The following TSPAN13 variants were observed in gnomAD, a reference collection of about 807,000 sequenced individuals.
TSPAN13 encodes tetraspanin 13.
A neutral mutation model predicts 26.9 loss-of-function variants in TSPAN13; 18 were observed. That is an observed-to-expected ratio of 0.67 (90% CI 0.46 to 0.99). TSPAN13 has a LOEUF of 0.99. TSPAN13 is among the 50% of genes least tolerant of loss of function. TSPAN13 has a pLI of 0.00. For synonymous variants in TSPAN13, 116 were observed against 98.4 expected, an observed-to-expected ratio of 1.18 and a Z score of -1.06; for missense variants, 201 against 249.6, an observed-to-expected ratio of 0.81 and a Z score of 1.31.
At chr7:16,769,550 C>T (rs1040748542) in intron 1 of TSPAN13, among the ~76,000 whole-genome samples, 1 of 151,980 alleles carries the variant, frequency 6.6e-6, no homozygotes, top group Non-Finnish European at 1.5e-5. Flanking sequence ...GGGTATATTA[C>T]AAATTATATC....
intron 1 of TSPAN13, among the ~76,000 whole-genome samples, 163 bp from the exon 2 acceptor site, chr7:16,776,048 C>G (rs1784739241): frequency 6.6e-6 from 1 of 152,042 alleles, no homozygotes; most frequent in South Asian, 2.1e-4. Flanking sequence ...ACAATACTGC[C>G]TATTGAGATC....
intron 1 of TSPAN13, among the ~76,000 whole-genome samples, chr7:16,767,237 G>T (rs943264154): frequency 6.6e-6 from 1 of 152,116 alleles, no homozygotes; most frequent in African/African-American, 2.4e-5. Flanking sequence ...CCATGAATGT[G>T]TATGACAATG....
intron 3 of TSPAN13, among the ~76,000 whole-genome samples, chr7:16,777,324 C>CT (rs148602408): frequency 0.012 from 1,839 of 152,280 alleles, 44 homozygotes; most frequent in East Asian, 0.042. Flanking sequence ...TTTTCGGTAT[C>CT]TTTTAAATCG....
At chr7:16,766,330 T>C (rs1457541853) in intron 1 of TSPAN13, among the ~76,000 whole-genome samples, 1 of 152,250 alleles carries the variant, frequency 6.6e-6, no homozygotes, top group African/African-American at 2.4e-5. Context: ...AAATTTGTTT[T>C]GGATTGGACA....
At chr7:16,778,371 A>G (rs1784777088) in intron 4 of TSPAN13, among the ~76,000 whole-genome samples, 1 of 152,188 alleles carries the variant, frequency 6.6e-6, no homozygotes, top group Non-Finnish European at 1.5e-5. Context: ...ATAGAAACAC[A>G]CTGGCTTTAA....
At chr7:16,781,192 T>G (rs1215693489) in intron 5 of TSPAN13, among the ~76,000 whole-genome samples, 1 of 152,220 alleles carries the variant, frequency 6.6e-6, no homozygotes, top group Non-Finnish European at 1.5e-5. Context: ...CAAAAAATTA[T>G]GAAGATGAAA....
intron 1 of TSPAN13, among the ~76,000 whole-genome samples, chr7:16,766,941 C>T (rs749917935): frequency 3.9e-5 from 6 of 152,058 alleles, no homozygotes; most frequent in Admixed American, 2.0e-4. Context: ...TTTTTTCTCT[C>T]TCTCTTTCGA....
At position 16,783,544 on chromosome 7, in the gene TSPAN13, A is replaced by T. The variant is rs3807498; in HGVS notation, c.*53A>T. 1.1e-5 allele frequency: 17 copies of T among 1,559,418 alleles called. No homozygotes were observed. In the South Asian group the frequency reaches 1.8e-4, roughly 16 times the overall value. On this transcript the variant is annotated 3_prime_UTR_variant, in exon 6 of 6. Coordinates refer to ENST00000262067, the MANE Select transcript of TSPAN13 (RefSeq NM_014399.4). ...TATTATGATCTTGTTCACTTTCTGTAATTTTCTGTTAAGCTCCATTTGCCA... is the reference window on the plus strand; with the variant it reads ...TATTATGATCTTGTTCACTTTCTGTTATTTTCTGTTAAGCTCCATTTGCCA...
chr7:16,769,639 A>G (rs530534259), intron 1 of TSPAN13, among the ~76,000 whole-genome samples: 2 of 152,230 alleles, frequency 1.3e-5, no homozygotes, highest in Non-Finnish European at 2.9e-5. Flanking sequence ...GTTTCTAGCA[A>G]CTTTGCTGGT....
Position 16,783,763 on chromosome 7 carries a change from G to A in TSPAN13, c.*272G>A. Reference sequence around the variant, plus strand: ...GCACTGTCCACTGTGGCCTTTCTTAGCATTTTTACCTGCAGAAAAACTTTG... The same window carrying A: ...GCACTGTCCACTGTGGCCTTTCTTAACATTTTTACCTGCAGAAAAACTTTG... On this transcript the variant is annotated 3_prime_UTR_variant, in exon 6 of 6. Coordinates refer to ENST00000262067, the MANE Select transcript of TSPAN13 (RefSeq NM_014399.4). 2.3e-6 allele frequency: 1 copy of A among 443,792 alleles called. No homozygotes were observed. Among genetic ancestry groups the A allele is most frequent in the South Asian group, 3.3e-5 (1 of 30,580 alleles). The allele number at this position is 443,792 out of a possible 1,614,324, so 27.5% of individuals were successfully genotyped here. A position where few individuals can be genotyped will look rare whatever the true frequency, so the allele number is the denominator to read the frequency against.
intron 5 of TSPAN13, among the ~76,000 whole-genome samples, chr7:16,781,952 G>A (rs1784817853): frequency 6.6e-6 from 1 of 152,190 alleles, no homozygotes; most frequent in South Asian, 2.1e-4. Flanking sequence ...CAAAAGTGGG[G>A]TAGTTTATGG....
intron 1 of TSPAN13, among the ~76,000 whole-genome samples, chr7:16,769,653 T>TA (rs1407686491): frequency 1.3e-5 from 2 of 152,194 alleles, no homozygotes; most frequent in African/African-American, 4.8e-5. Context: ...TGCTGGTTCT[T>TA]ACCAATTTTA....
Position 16,755,541 on chromosome 7 carries a change from G to GTTT in TSPAN13, c.63+1526_63+1528dup, listed in dbSNP as rs34234997. Among the ~76,000 whole-genome samples the GTTT allele has an allele frequency of 8.5e-3, 1,191 of 139,366 alleles. 21 individuals are homozygous for GTTT. Among genetic ancestry groups the GTTT allele is most frequent in the African/African-American group, 0.024 (914 of 37,400 alleles). The allele number at this position is 139,366 out of a possible 152,430, so 91.4% of individuals were successfully genotyped here. ...AGTAAATGCTGACCAGTTCTCTAGGGTTTTTTTTTTTTTTTTTAAATCAGT... is the reference window on the plus strand; with the variant it reads ...AGTAAATGCTGACCAGTTCTCTAGGGTTTTTTTTTTTTTTTTTTTTAAATCAGT... On this transcript the variant is annotated intron_variant, in intron 1 of 5. Coordinates refer to ENST00000262067, the MANE Select transcript of TSPAN13 (RefSeq NM_014399.4).
At chr7:16,764,475 C>G (rs1784584631) in intron 1 of TSPAN13, among the ~76,000 whole-genome samples, 1 of 152,030 alleles carries the variant, frequency 6.6e-6, no homozygotes, top group Non-Finnish European at 1.5e-5. Context: ...TTCCCCTACT[C>G]TAGGCAACAC....
At chr7:16,758,710 T>A (rs1257002869) in intron 1 of TSPAN13, among the ~76,000 whole-genome samples, 1 of 152,190 alleles carries the variant, frequency 6.6e-6, no homozygotes, top group East Asian at 1.9e-4. Context: ...AGGAATTACT[T>A]TTATTTATCC....
intron 3 of TSPAN13, among the ~76,000 whole-genome samples, chr7:16,777,579 T>A (rs1161001762): frequency 3.3e-5 from 5 of 152,214 alleles, no homozygotes; most frequent in Non-Finnish European, 5.9e-5. Context: ...TGCATGTAAA[T>A]TCTTTTAAAT....
intron 1 of TSPAN13, among the ~76,000 whole-genome samples, chr7:16,771,107 C>T (rs916333483): frequency 1.3e-5 from 2 of 152,224 alleles, no homozygotes; most frequent in East Asian, 3.8e-4. Flanking sequence ...GATCCAGGAA[C>T]TCCTTCCCCA....
At chr7:16,761,346 T>TCTCTATAA (rs1784538811) in intron 1 of TSPAN13, among the ~76,000 whole-genome samples, 1 of 152,234 alleles carries the variant, frequency 6.6e-6, no homozygotes, top group Non-Finnish European at 1.5e-5. Context: ...AGATTATTTA[T>TCTCTATAA]AGAGTTTTCA....
intron 1 of TSPAN13, among the ~76,000 whole-genome samples, chr7:16,774,429 C>A (rs188297915): frequency 2.2e-3 from 338 of 152,314 alleles, no homozygotes; most frequent in Middle Eastern, 3.4e-3. Flanking sequence ...CACGCATCAT[C>A]CAGCACTCCT....
Sources: allele counts gnomAD v4.1 joint callset (sites outside exome capture counted in the v4.1 genomes callset), GRCh38; gene constraint gnomAD v4.1.1; transcripts MANE v1.5; gene names NCBI Gene and HGNC (gene_info 2026-07-23, HGNC 2026-07-21).